Variants in ZBTB7B observed in about 807,000 individuals in gnomAD.
The protein encoded by ZBTB7B is zinc finger and BTB domain containing 7B.
ZBTB7B carries 8 observed loss-of-function variants against 31.0 expected under a neutral mutation model. The ratio of observed to expected loss-of-function variants is 0.26; its 90% CI spans 0.15 to 0.47. The LOEUF is 0.47. Ranked by LOEUF, ZBTB7B falls within the 20% of genes least tolerant of loss-of-function variation. ZBTB7B has a pLI of 0.99. For missense variants in ZBTB7B, 494 were observed against 742.4 expected (o/e 0.67, Z 3.89); for synonymous variants, 261 against 307.3 (o/e 0.85, Z 1.58).
In ZBTB7B at chr1:155,004,331, A is replaced by C. The variant is rs1658430074; in HGVS notation, c.-7+1388A>C. Among the ~76,000 whole-genome samples, 1 of 152,128 alleles carries C rather than the reference A, an allele frequency of 6.6e-6. No individual in the cohort carries two copies. Among genetic ancestry groups the C allele is most frequent in the South Asian group, 2.1e-4 (1 of 4,828 alleles). ...AGCGCAGCTATTCCCCCTTCCCCCA[A>C]CTTATTCCTGGAGGAGGGAGACCGC... On this transcript the variant is annotated intron_variant, in intron 1 of 2. Coordinates refer to ENST00000535420, the MANE Select transcript of ZBTB7B (RefSeq NM_001256455.2). This position sits in a 1 kb window ranked among gnomAD's most constrained non-coding sequence, Gnocchi z 4.0.
At chr1:155,005,859 C>A (rs568850367) in intron 1 of ZBTB7B, among the ~76,000 whole-genome samples, 27 of 152,202 alleles carry the variant, frequency 1.8e-4, no homozygotes, top group Admixed American at 4.6e-4. Context: ...CCCTCCCCCC[C>A]ACTCTTGCCA....
chr1:155,016,858 G>A lies in ZBTB7B; in HGVS notation c.*173G>A, dbSNP rs1659456409. The A allele has an allele frequency of 3.5e-6, 2 of 570,974 alleles. No individual in the cohort carries two copies. Among genetic ancestry groups the A allele is most frequent in the African/African-American group, 3.7e-5 (2 of 53,658 alleles). 35.4% of individuals were successfully genotyped at this position (570,974 alleles called of 1,614,324 possible). ...AATTCCAAGCTAAGAAGGTATTGGGGCAGAGGCTCCCCAAATTGGGGTGAT... is the reference window on the plus strand; with the variant it reads ...AATTCCAAGCTAAGAAGGTATTGGGACAGAGGCTCCCCAAATTGGGGTGAT... On this transcript the variant is annotated 3_prime_UTR_variant, in exon 3 of 3. Coordinates refer to ENST00000535420, the MANE Select transcript of ZBTB7B (RefSeq NM_001256455.2). The surrounding 1 kb of genome is among the most constrained non-coding windows in gnomAD (Gnocchi z 4.3).
chr1:155,018,247 A>G lies in ZBTB7B; in HGVS notation c.*1562A>G, dbSNP rs1189925495. 7.3e-5 allele frequency: 29 copies of G among 397,468 alleles called. No homozygotes were observed. The highest frequency in any genetic ancestry group is 1.3e-4 in the Non-Finnish European group (28 of 215,996). The allele number at this position is 397,468 out of a possible 1,614,324, so 24.6% of individuals were successfully genotyped here. A position where few individuals can be genotyped will look rare whatever the true frequency, so the allele number is the denominator to read the frequency against. On this transcript the variant is annotated 3_prime_UTR_variant, in exon 3 of 3. Transcript: ENST00000535420. ...GGACCAGTCCCTGTTATCTATTTAA[A>G]AAGTGATGATGTAATATATTGGGGT...
rs1659565931 is a variant in ZBTB7B at position 155,017,653 on chromosome 1, G to C, written c.*968G>C. ...TGGAAGAGCCTTGTGGAGAGCGGGCGAGCCGGCGCCATCTGGCGGCCATGC... is the reference window on the plus strand; with the variant it reads ...TGGAAGAGCCTTGTGGAGAGCGGGCCAGCCGGCGCCATCTGGCGGCCATGC... On this transcript the variant is annotated 3_prime_UTR_variant, in exon 3 of 3. Transcript: ENST00000535420. The C allele has an allele frequency of 6.6e-6, 1 of 152,392 alleles. No homozygotes were observed. The highest frequency in any genetic ancestry group is 1.5e-5 in the Non-Finnish European group (1 of 68,162). 9.4% of individuals were successfully genotyped at this position (152,392 alleles called of 1,614,324 possible). A position where few individuals can be genotyped will look rare whatever the true frequency, so the allele number is the denominator to read the frequency against.
At position 155,016,720 on chromosome 1, in the gene ZBTB7B, C is replaced by A; in HGVS notation, c.*35C>A. ...AGGGCCAGACTGAAGCAGCACAAGG[C>A]CGGGGACACCCATGCCAAGCAGTGG... On this transcript the variant is annotated 3_prime_UTR_variant, in exon 3 of 3. Coordinates refer to ENST00000535420, the MANE Select transcript of ZBTB7B (RefSeq NM_001256455.2). This position sits in a 1 kb window ranked among gnomAD's most constrained non-coding sequence, Gnocchi z 4.3. 2 of 1,243,446 alleles carry A rather than the reference C, an allele frequency of 1.6e-6. No homozygotes were observed. Among genetic ancestry groups the A allele is most frequent in the Admixed American group, 2.7e-5 (1 of 36,610 alleles). The allele number at this position is 1,243,446 out of a possible 1,614,324, so 77.0% of individuals were successfully genotyped here. A position where few individuals can be genotyped will look rare whatever the true frequency, so the allele number is the denominator to read the frequency against.
chr1:155,014,670 C>T lies in ZBTB7B; in HGVS notation c.10C>T (p.Pro4Ser), dbSNP rs373054953. MGS[P>S]EDDLIGIPFP... is the part of the protein sequence containing the mutation. ...GACTCTGCAGGAGAAGATGGGGAGC[C>T]CCGAGGATGACCTGATTGGGATTCC... Residue 4 changes from proline (P) to serine (S), a missense_variant, in exon 2 of 3, where the codon CCC (proline) becomes TCC (serine). Pro to Ser is a moderately conservative substitution (Grantham distance 74). This residue lies in a region of ZBTB7B where 26 missense variants were observed against 80.4 expected (regional missense o/e 0.32). Coordinates refer to ENST00000535420, the MANE Select transcript of ZBTB7B (RefSeq NM_001256455.2). The T allele has an allele frequency of 6.8e-6, 11 of 1,611,992 alleles. No homozygotes were observed. The African/African-American group carries it at 1.3e-4, about 20-fold the overall frequency.
At chr1:155,010,870 C>T in intron 1 of ZBTB7B, 1 of 1,502,360 alleles carries the variant, frequency 6.7e-7, no homozygotes, top group Non-Finnish European at 9.0e-7. Context: ...GCCAAGGCAC[C>T]AGGAGCGTTG....
chr1:155,008,171 A>G (rs1201471209), intron 1 of ZBTB7B, among the ~76,000 whole-genome samples: 1 of 151,436 alleles, frequency 6.6e-6, no homozygotes, highest in Non-Finnish European at 1.5e-5. Flanking sequence ...CAATCTGTCT[A>G]TCCCCCTCAG....
chr1:155,014,856 G>A lies in ZBTB7B; in HGVS notation c.196G>A (p.Gly66Ser). 6.2e-7 allele frequency: 1 copy of A among 1,614,200 alleles called. No individual in the cohort carries two copies. The highest frequency in any genetic ancestry group is 8.5e-7 in the Non-Finnish European group (1 of 1,180,026). The change falls in exon 2 of 3, where the codon GGC becomes AGC. Residue 66 changes from glycine to serine, a missense_variant. Physicochemically the swap from Gly to Ser is moderately conservative, Grantham distance 56. This residue lies in a region of ZBTB7B where 90 missense variants were observed against 143.2 expected (regional missense o/e 0.63). Transcript: ENST00000535420. ...CTACTTCAAGAAGCTTTTCACTGAG[G>A]GCGGTGGCGGAGCTGTCATGGGGGC... ...SHYFKKLFTE[G>S]GGGAVMGAGG...
Position 155,003,787 on chromosome 1 carries a change from TG to T in ZBTB7B, c.-7+845del, listed in dbSNP as rs1370360576. On this transcript the variant is annotated intron_variant, in intron 1 of 2. Transcript: ENST00000535420. The surrounding 1 kb of genome is among the most constrained non-coding windows in gnomAD (Gnocchi z 5.8). ...CTACAGAGTGCGCCTGGCAGAAGGC[TG>T]CCATTCAAAGGGGTGGGGGGCGCTG... 6.6e-6 allele frequency among the ~76,000 whole-genome samples: 1 copy of T among 152,180 alleles called. No homozygotes were observed. The highest frequency in any genetic ancestry group is 2.4e-5 in the African/African-American group (1 of 41,436).
intron 1 of ZBTB7B, chr1:155,010,797 G>C (rs895575258): frequency 3.7e-6 from 3 of 818,146 alleles, no homozygotes; most frequent in Non-Finnish European, 5.8e-6. Flanking sequence ...AGAACCTGAG[G>C]CTGGAGTTGG....
Position 155,015,003 on chromosome 1 carries a change from A to G in ZBTB7B, c.343A>G (p.Ser115Gly). 1 of 1,614,004 alleles carries G rather than the reference A, an allele frequency of 6.2e-7. No homozygotes were observed. The highest frequency in any genetic ancestry group is 8.5e-7 in the Non-Finnish European group (1 of 1,180,024). ...CTATACAGCCACACTGACCACCAGC[A>G]GCGCCAACATGCCAGCTGTGCTCCA... ...FAYTATLTTS[S>G]ANMPAVLQAA... Residue 115 changes from serine to glycine, a missense_variant, in exon 2 of 3, where the codon AGC becomes GGC. By Grantham distance (56) the Ser-to-Gly change is moderately conservative. Transcript: ENST00000535420.
At chr1:155,011,047 T>C (rs936129097) in intron 1 of ZBTB7B, 21 of 1,500,780 alleles carry the variant, frequency 1.4e-5, no homozygotes, top group Admixed American at 1.2e-4. Context: ...GAGGGGGGGC[T>C]CTGCGTGCCT....
chr1:155,016,142 G>A lies in ZBTB7B; in HGVS notation c.1155-78G>A. ...ATGGTGAGGAACAGGGATGGGACAA[G>A]GCCAGGGTGGGATGACCAGGAGGAG... On this transcript the variant is annotated intron_variant, in intron 2 of 2. Transcript: ENST00000535420. The surrounding 1 kb of genome is among the most constrained non-coding windows in gnomAD (Gnocchi z 4.3). 2.0e-6 allele frequency: 3 copies of A among 1,480,178 alleles called. No homozygotes were observed. The highest frequency in any genetic ancestry group is 1.8e-4 in the Middle Eastern group (1 of 5,554). 91.7% of individuals were successfully genotyped at this position (1,480,178 alleles called of 1,614,324 possible). A position where few individuals can be genotyped will look rare whatever the true frequency, so the allele number is the denominator to read the frequency against.
chr1:155,012,558 C>T (rs1462967844), intron 1 of ZBTB7B, among the ~76,000 whole-genome samples: 1 of 152,122 alleles, frequency 6.6e-6, no homozygotes, highest in African/African-American at 2.4e-5. Context: ...GCAGGGAGAG[C>T]TCCCAGATGG....
rs930492978 is a variant in ZBTB7B at position 155,018,402 on chromosome 1, G to A, written c.*1717G>A. ...TGTGGCCTCCCTTCTCCCTACTTTC[G>A]GCTTTCCCAGTCAGTGCCTTAGGGG... On this transcript the variant is annotated 3_prime_UTR_variant, in exon 3 of 3. Coordinates refer to ENST00000535420, the MANE Select transcript of ZBTB7B (RefSeq NM_001256455.2). The A allele has an allele frequency of 1.5e-5, 13 of 845,752 alleles. No homozygotes were observed. Among genetic ancestry groups the A allele is most frequent in the African/African-American group, 1.0e-4 (6 of 58,306 alleles). The allele number at this position is 845,752 out of a possible 1,614,324, so 52.4% of individuals were successfully genotyped here. A position where few individuals can be genotyped will look rare whatever the true frequency, so the allele number is the denominator to read the frequency against.
chr1:155,012,030 C>G (rs189408630), intron 1 of ZBTB7B, among the ~76,000 whole-genome samples: 6 of 152,200 alleles, frequency 3.9e-5, no homozygotes, highest in Admixed American at 3.3e-4. Context: ...CCACACATGT[C>G]CTCTGCCTCT....
intron 1 of ZBTB7B, among the ~76,000 whole-genome samples, chr1:155,008,343 C>T (rs2102280967): frequency 6.6e-6 from 1 of 152,322 alleles, no homozygotes; most frequent in Non-Finnish European, 1.5e-5. Flanking sequence ...TGCCCAGCCC[C>T]TGAGGGCCCC....
In ZBTB7B at chr1:155,014,887, G is replaced by A. The variant is rs145349387; in HGVS notation, c.227G>A (p.Gly76Asp). Residue 76 changes from glycine (G) to aspartate (D), a missense_variant, in exon 2 of 3, where the codon GGT becomes GAT. Transcript: ENST00000535420. ...GGGGAVMGAGGSGTATGGAGA... is the reference protein window; with the variant it reads ...GGGGAVMGAGDSGTATGGAGA... ...GGCGGAGCTGTCATGGGGGCCGGGG[G>A]TAGCGGGACGGCCACTGGGGGAGCA... 9.9e-6 allele frequency: 16 copies of A among 1,613,992 alleles called. No homozygotes were observed. In the African/African-American group the frequency reaches 1.5e-4, roughly 15 times the overall value.
Sources: allele counts gnomAD v4.1 joint callset (sites outside exome capture counted in the v4.1 genomes callset), GRCh38; gene constraint gnomAD v4.1.1; regional missense constraint gnomAD v4.1.1; non-coding constraint Gnocchi (gnomAD v3.1); transcripts MANE v1.5; gene names NCBI Gene and HGNC (gene_info 2026-07-23, HGNC 2026-07-21).